Variants in DIAPH2 observed in about 807,000 individuals in gnomAD.
The protein encoded by DIAPH2 is protein diaphanous homolog 2.
In DIAPH2, 35 loss-of-function variants were observed where a neutral mutation model predicts 92.7. The observed-to-expected ratio is 0.38, with a 90% CI of 0.29 to 0.50. The LOEUF is 0.50. Among genes scored for constraint, DIAPH2 ranks in the 20% least tolerant of loss-of-function variants. DIAPH2 has a pLI of 0.94. For synonymous variants in DIAPH2, 301 were observed against 280.4 expected (o/e 1.07, Z -0.73); for missense variants, 701 against 819.5 (o/e 0.86, Z 1.77).
At chrX:97,511,664 T>C (rs2070894019) in intron 26 of DIAPH2, among the ~76,000 whole-genome samples, 2 of 110,250 alleles carry the variant, frequency 1.8e-5, no homozygotes, top group Admixed American at 1.9e-4. Flanking sequence ...ATAGCTCTTA[T>C]TATTTTGAAA....
At chrX:97,061,955 A>G (rs897179262) in intron 17 of DIAPH2, among the ~76,000 whole-genome samples, 4 of 110,998 alleles carry the variant, frequency 3.6e-5, no homozygotes, top group South Asian at 3.8e-4. Flanking sequence ...AGGCAGTGGT[A>G]TCTTATATTC....
intron 7 of DIAPH2, among the ~76,000 whole-genome samples, chrX:96,913,385 GTGCT>G (rs2065481859): frequency 9.0e-6 from 1 of 111,565 alleles, no homozygotes; most frequent in Non-Finnish European, 1.9e-5. Context: ...AAAATAGTGA[GTGCT>G]TGTTCAGTTT....
At chrX:97,223,749 A>G (rs1320069973) in intron 22 of DIAPH2, among the ~76,000 whole-genome samples, 1 of 111,551 alleles carries the variant, frequency 9.0e-6, no homozygotes, top group Admixed American at 9.6e-5. Context: ...ACAACTTTAA[A>G]CCATATCTCA....
chrX:97,290,610 A>G (rs1355781256), intron 23 of DIAPH2, among the ~76,000 whole-genome samples: 1 of 112,536 alleles, frequency 8.9e-6, no homozygotes. Flanking sequence ...GTGTGACTGC[A>G]CAGGACTTAT....
In DIAPH2 at chrX:96,907,470, C is replaced by T. The variant is rs775927962; in HGVS notation, c.588-4858C>T. 5.4e-5 allele frequency among the ~76,000 whole-genome samples: 6 copies of T among 112,027 alleles called. No homozygotes were observed. In the East Asian group the frequency reaches 1.7e-3, roughly 31 times the overall value. ...ATGTTATAGAAAATTGTGTACCGGT[C>T]CTCTTTTAGTAATTTCTAAGGATGT... On this transcript the variant is annotated intron_variant, in intron 5 of 26. Transcript: ENST00000324765.
chrX:97,176,620 T>C (rs963377682), intron 22 of DIAPH2, among the ~76,000 whole-genome samples: 1 of 111,101 alleles, frequency 9.0e-6, no homozygotes, highest in African/African-American at 3.3e-5. Flanking sequence ...CTCCGCCTCC[T>C]GGGTTCACGC....
rs1325760955 is a variant in DIAPH2, at chrX:97,601,853, C to T, written c.*2536C>T. 8.9e-6 allele frequency: 1 copy of T among 112,372 alleles called. No individual in the cohort carries two copies. Among genetic ancestry groups the T allele is most frequent in the African/African-American group, 3.2e-5 (1 of 30,927 alleles). The allele number at this position is 112,372 out of a possible 1,213,427, so 9.3% of individuals were successfully genotyped here. ...GAAGGGCAGCAAAGCCATGCTCCCT[C>T]CAGAGGCTCTAGAGGAGAATCTTTC... On this transcript the variant is annotated 3_prime_UTR_variant, in exon 27 of 27. Transcript: ENST00000324765.
intron 19 of DIAPH2, among the ~76,000 whole-genome samples, chrX:97,087,899 C>T (rs1569298082): frequency 9.1e-6 from 1 of 110,449 alleles, no homozygotes; most frequent in Non-Finnish European, 1.9e-5. Context: ...CCTCTCTCTT[C>T]TTTGATCCCA....
intron 26 of DIAPH2, among the ~76,000 whole-genome samples, chrX:97,475,631 G>A (rs1174304829): frequency 9.0e-6 from 1 of 111,616 alleles, no homozygotes; most frequent in Non-Finnish European, 1.9e-5. Context: ...ATCATCTGTA[G>A]ATATTACAGA....
intron 23 of DIAPH2, among the ~76,000 whole-genome samples, chrX:97,325,098 C>A (rs1457977445): frequency 8.9e-6 from 1 of 111,997 alleles, no homozygotes; most frequent in Non-Finnish European, 1.9e-5. Context: ...CCTCACCCGG[C>A]CAATAAATTA....
chrX:96,921,541 G>A (rs2065543259), intron 9 of DIAPH2, among the ~76,000 whole-genome samples: 1 of 111,035 alleles, frequency 9.0e-6, no homozygotes, highest in Admixed American at 9.6e-5. Flanking sequence ...CTCTATTACA[G>A]TTCTCAAAAA....
At chrX:97,443,181 G>A (rs184687443) in intron 26 of DIAPH2, among the ~76,000 whole-genome samples, 131 of 111,995 alleles carry the variant, frequency 1.2e-3, no homozygotes, top group African/African-American at 4.1e-3. Flanking sequence ...GATTACAAGC[G>A]TGATCCACTG....
chrX:97,324,251 A>G (rs906930201), intron 23 of DIAPH2, among the ~76,000 whole-genome samples: 8 of 111,942 alleles, frequency 7.1e-5, no homozygotes, highest in Non-Finnish European at 1.5e-4. Flanking sequence ...AAGCTATAAT[A>G]AAAGGAGCAA....
At position 97,365,249 on chromosome X, in the gene DIAPH2, G is replaced by A. The variant is rs753140743; in HGVS notation, c.3009+16969G>A. Among the ~76,000 whole-genome samples the A allele has an allele frequency of 8.1e-5, 9 of 111,043 alleles. No homozygotes were observed. In the South Asian group the frequency reaches 1.6e-3, roughly 19 times the overall value. Reference sequence around the variant, plus strand: ...ATCTTACTTTCATCCTCACTTTAACGGCCCAAGTTTCAGTGTTTGTCCTCT... The same window carrying A: ...ATCTTACTTTCATCCTCACTTTAACAGCCCAAGTTTCAGTGTTTGTCCTCT... On this transcript the variant is annotated intron_variant, in intron 24 of 26. Coordinates refer to ENST00000324765, the MANE Select transcript of DIAPH2 (RefSeq NM_006729.5).
At chrX:97,050,603 G>T in intron 17 of DIAPH2, among the ~76,000 whole-genome samples, 1 of 104,925 alleles carries the variant, frequency 9.5e-6, no homozygotes, top group Non-Finnish European at 2.0e-5. Context: ...TGTCAGTTTT[G>T]GAAACCATAC....
intron 9 of DIAPH2, among the ~76,000 whole-genome samples, chrX:96,923,358 G>C (rs897917467): frequency 1.8e-5 from 2 of 111,784 alleles, no homozygotes; most frequent in African/African-American, 6.5e-5. Context: ...GCCCTTTCCT[G>C]ATGTGTGATA....
Position 96,868,087 on chromosome X carries a change from G to A in DIAPH2, c.448-13492G>A, listed in dbSNP as rs145205311. Among the ~76,000 whole-genome samples the A allele has an allele frequency of 8.6e-3, 967 of 112,080 alleles. 9 individuals are homozygous for A. The highest frequency in any genetic ancestry group is 0.038 in the Admixed American group (403 of 10,592). ...TTGGGTTCTCTGTGCCTACCGTGCCGTAGGATAACCCAACTGTGCCACTAG... is the reference window on the plus strand; with the variant it reads ...TTGGGTTCTCTGTGCCTACCGTGCCATAGGATAACCCAACTGTGCCACTAG... On this transcript the variant is annotated intron_variant, in intron 4 of 26. Coordinates refer to ENST00000324765, the MANE Select transcript of DIAPH2 (RefSeq NM_006729.5).
At chrX:97,592,241 G>C (rs1404657650) in intron 26 of DIAPH2, among the ~76,000 whole-genome samples, 2 of 111,551 alleles carry the variant, frequency 1.8e-5, no homozygotes, top group African/African-American at 6.5e-5. Flanking sequence ...TACTATAATT[G>C]AGTTTGTTTG....
chrX:97,561,608 C>G (rs1375120422), intron 26 of DIAPH2, among the ~76,000 whole-genome samples: 1 of 112,479 alleles, frequency 8.9e-6, no homozygotes, highest in Non-Finnish European at 1.9e-5. Context: ...TGCTGCTTAA[C>G]CTTTGAGCAT....
Sources: gnomAD v4.1 joint callset for allele counts (sites outside exome capture counted in the v4.1 genomes callset) on GRCh38, gnomAD v4.1.1 for gene constraint, MANE v1.5 for transcripts, NCBI Gene and HGNC (gene_info 2026-07-23, HGNC 2026-07-21) for gene names.